Variants in ADPRHL1 observed in about 807,000 individuals in gnomAD.
The protein encoded by ADPRHL1 is inactive ADP-ribosyltransferase ARH2.
A neutral mutation model predicts 44.1 loss-of-function variants in ADPRHL1; 43 were observed. The observed-to-expected ratio is 0.98, with a 90% CI of 0.76 to 1.26. The LOEUF is 1.26. Among genes scored for constraint, ADPRHL1 ranks in the 50% most tolerant of loss-of-function variants. The pLI is 0.00. For missense variants in ADPRHL1, 2,022 were observed against 2,496.9 expected (o/e 0.81, Z 4.05); for synonymous variants, 878 against 1,017.4 (o/e 0.86, Z 2.61).
At chr13:113,424,752 C>CCATCCA (rs1289337845) in intron 5 of ADPRHL1, among the ~76,000 whole-genome samples, 1 of 36,612 alleles carries the variant, frequency 2.7e-5, no homozygotes, top group Non-Finnish European at 5.3e-5. Context: ...ACGCTTCTAC[C>CCATCCA]TACCTGCCCT....
At chr13:113,447,308 G>A (rs537819669) in intron 1 of ADPRHL1, among the ~76,000 whole-genome samples, 51 of 147,760 alleles carry the variant, frequency 3.5e-4, no homozygotes, top group Admixed American at 3.3e-4. Flanking sequence ...TGTGCATGGC[G>A]TCTACACGCA....
In ADPRHL1 at chr13:113,409,888, C is replaced by CAAAAAAAAAAAAAAAAAA. The variant is rs35020797; in HGVS notation, c.1062-1686_1062-1669dup. On this transcript the variant is annotated intron_variant, in intron 7 of 7. Coordinates refer to ENST00000612156, the MANE Select transcript of ADPRHL1 (RefSeq NM_001394807.1). The surrounding 1 kb of genome is among the most constrained non-coding windows in gnomAD (Gnocchi z 4.2). ...TGAGCGACAGAGCGAGACTCCGTCT[C>CAAAAAAAAAAAAAAAAAA]AAAAAAAAAAAAAAAAAAAAGGAAG... 1.4e-6 allele frequency: 1 copy of CAAAAAAAAAAAAAAAAAA among 727,658 alleles called. No homozygotes were observed. Among genetic ancestry groups the CAAAAAAAAAAAAAAAAAA allele is most frequent in the Non-Finnish European group, 1.6e-6 (1 of 626,210 alleles). The allele number at this position is 727,658 out of a possible 1,614,324, so 45.1% of individuals were successfully genotyped here.
At position 113,403,818 on chromosome 13, in the gene ADPRHL1, T is replaced by C. The variant is rs529367867; in HGVS notation, c.5464A>G (p.Ile1822Val). The C allele has an allele frequency of 2.8e-4, 343 of 1,217,828 alleles. 1 individual carries two copies. In the African/African-American group the frequency reaches 5.0e-3, roughly 18 times the overall value. 75.4% of individuals were successfully genotyped at this position (1,217,828 alleles called of 1,614,324 possible). ...GMAPRAWEQP[I>V]SGIAEGVDAA... ...TCCACTCCCTCAGCTATGCCACTAA[T>C]GGGCTGCTCCCAGGCCCGAGGCGCC... Residue 1822 changes from isoleucine (I) to valine (V), a missense_variant, in exon 8 of 8, where the codon ATT becomes GTT. By Grantham distance (29) the Ile-to-Val change is conservative. This residue lies in a region of ADPRHL1 where 205 missense variants were observed against 250.1 expected (regional missense o/e 0.82). Transcript: ENST00000612156.
rs2044101298 is a variant in ADPRHL1 at position 113,441,858 on chromosome 13, G to GGTTTTCCTTC, written c.379+2566_379+2567insGAAGGAAAAC. On this transcript the variant is annotated intron_variant, in intron 2 of 7. Coordinates refer to ENST00000612156, the MANE Select transcript of ADPRHL1 (RefSeq NM_001394807.1). The surrounding 1 kb of genome is among the most constrained non-coding windows in gnomAD (Gnocchi z 6.0). ...ACGTTGTGTCCCGCCGCGTGGGTCC[G>GGTTTTCCTTC]TGTCACTATCACACTCTGTCCCCAC... Among the ~76,000 whole-genome samples, 1 of 151,704 alleles carries GGTTTTCCTTC rather than the reference G, an allele frequency of 6.6e-6. No individual in the cohort carries two copies. The highest frequency in any genetic ancestry group is 1.5e-5 in the Non-Finnish European group (1 of 67,910).
intron 4 of ADPRHL1, among the ~76,000 whole-genome samples, chr13:113,427,743 G>A (rs1039322667): frequency 1.3e-5 from 2 of 152,186 alleles, no homozygotes; most frequent in African/African-American, 4.8e-5. Context: ...GCCCGGTCAC[G>A]GGGAGCACAG....
At chr13:113,451,842 G>C (rs1041744382) in intron 1 of ADPRHL1, among the ~76,000 whole-genome samples, 1 of 152,070 alleles carries the variant, frequency 6.6e-6, no homozygotes, top group Non-Finnish European at 1.5e-5. Context: ...CTAAACGTCC[G>C]TAACCCTTTT....
At chr13:113,422,444 G>C (rs909480082) in intron 7 of ADPRHL1, 3 of 188,966 alleles carry the variant, frequency 1.6e-5, no homozygotes, top group South Asian at 1.1e-4. Context: ...GGTCTGCAGC[G>C]GGGGGGCCTG....
rs1467876915 is a variant in ADPRHL1, at chr13:113,407,728, C to T, written c.1554G>A (p.Lys518=). 1.6e-6 allele frequency: 2 copies of T among 1,232,012 alleles called. No individual in the cohort carries two copies. The highest frequency in any genetic ancestry group is 2.0e-6 in the Non-Finnish European group (2 of 988,046). The allele number at this position is 1,232,012 out of a possible 1,614,324, so 76.3% of individuals were successfully genotyped here. ...IFLAAEEKEA[K]EKEAREKPPV... ...GGGGCTTCTCGCGTGCTTCTTTCTC[C>T]TTCGCCTCCTTCTCCTCGGCGGCCA... Residue 518 remains lysine, a synonymous_variant, in exon 8 of 8, where the codon AAG becomes AAA. Transcript: ENST00000612156.
intron 1 of ADPRHL1, 79 bp from the exon 2 acceptor site, chr13:113,444,668 A>G: frequency 6.6e-7 from 1 of 1,513,750 alleles, no homozygotes; most frequent in African/African-American, 1.4e-5. Context: ...GTCAGGCACC[A>G]TAGTCTGGGG....
rs1018885581 is a variant in ADPRHL1, at chr13:113,433,865, A to T, written c.382T>A (p.Ser128Thr). 5 of 1,547,774 alleles carry T rather than the reference A, an allele frequency of 3.2e-6. No individual in the cohort carries two copies. In the African/African-American group the frequency reaches 6.8e-5, roughly 21 times the overall value. ...AWHTPFNEKG[S>T]GFGAATKAMC... ...GCCTTGGTGGCCGCTCCAAACCCTG[A>T]GCCTGTGTGGAGAAGGAAGAGCTAG... Residue 128 changes from serine to threonine, a missense_variant and splice_region_variant, in exon 3 of 8, where the codon TCA becomes ACA. Physicochemically the swap from Ser to Thr is moderately conservative, Grantham distance 58. Coordinates refer to ENST00000612156, the MANE Select transcript of ADPRHL1 (RefSeq NM_001394807.1).
intron 1 of ADPRHL1, among the ~76,000 whole-genome samples, chr13:113,450,348 G>A (rs1179636257): frequency 1.3e-5 from 2 of 152,192 alleles, no homozygotes; most frequent in African/African-American, 4.8e-5. Context: ...GCTTGCTTTG[G>A]TTTCTAGAGG....
rs2043837161 is a variant in ADPRHL1, at chr13:113,409,690, T to C, written c.1062-1470A>G. ...TCACGAGGTCAGGAGATCGAGACCA[T>C]CCTGGATAACACGGTGAAACCCCGT... On this transcript the variant is annotated intron_variant, in intron 7 of 7. Transcript: ENST00000612156. This position sits in a 1 kb window ranked among gnomAD's most constrained non-coding sequence, Gnocchi z 4.2. 1.2e-6 allele frequency: 1 copy of C among 836,034 alleles called. No homozygotes were observed. The highest frequency in any genetic ancestry group is 1.4e-6 in the Non-Finnish European group (1 of 694,076). 51.8% of individuals were successfully genotyped at this position (836,034 alleles called of 1,614,324 possible).
rs544480530 is a variant in ADPRHL1, at chr13:113,418,183, C to T, written c.1061+4643G>A. Among the ~76,000 whole-genome samples, 80 of 152,300 alleles carry T rather than the reference C, an allele frequency of 5.3e-4. No homozygotes were observed. In the South Asian group the frequency reaches 0.016, roughly 30 times the overall value. On this transcript the variant is annotated intron_variant, in intron 7 of 7. Transcript: ENST00000612156. The stretch of plus-strand genomic sequence containing the variant: ...GCTCTGGGAGAAATACTCAGACCCC[C>T]TGAATCTTAGTTTCCTTGTCTACAA...
chr13:113,445,688 T>G (rs1040403325), intron 1 of ADPRHL1, among the ~76,000 whole-genome samples: 2 of 152,060 alleles, frequency 1.3e-5, no homozygotes, highest in African/African-American at 4.8e-5. Context: ...GAAATGGCAC[T>G]TGGAAGCAAA....
At chr13:113,430,715 TAGTGGCGGGGGTGGCAGTGGCACC>T (rs772652313) in intron 3 of ADPRHL1, among the ~76,000 whole-genome samples, 1,744 of 150,418 alleles carry the variant, frequency 0.012, 9 homozygotes, top group Middle Eastern at 0.017. Context: ...GGGGTGGCAC[TAGTGGCGGGGGTGGCAGTGGCACC>T]AGTGGCGGGG....
At position 113,429,180 on chromosome 13, in the gene ADPRHL1, G is replaced by T. The variant is rs1347484521; in HGVS notation, c.506-88C>A. 7.3e-5 allele frequency: 111 copies of T among 1,512,884 alleles called. No homozygotes were observed. In the Admixed American group the frequency reaches 2.2e-3, roughly 29 times the overall value. 93.7% of individuals were successfully genotyped at this position (1,512,884 alleles called of 1,614,324 possible). A position where few individuals can be genotyped will look rare whatever the true frequency, so the allele number is the denominator to read the frequency against. ...GCCCGCCACGCTGCGTGGGACTCCC[G>T]AGGAAGGGTTTGCTCGTTTTCCGTC... On this transcript the variant is annotated intron_variant, in intron 3 of 7. Coordinates refer to ENST00000612156, the MANE Select transcript of ADPRHL1 (RefSeq NM_001394807.1).
chr13:113,420,106 C>T (rs1352541527), intron 7 of ADPRHL1, among the ~76,000 whole-genome samples: 1 of 152,146 alleles, frequency 6.6e-6, no homozygotes, highest in South Asian at 2.1e-4. Flanking sequence ...TTTGGATTCG[C>T]GAAGCTGTGC....
At chr13:113,416,278 G>T (rs2043887046) in intron 7 of ADPRHL1, among the ~76,000 whole-genome samples, 1 of 152,014 alleles carries the variant, frequency 6.6e-6, no homozygotes. Flanking sequence ...TTTGGGCTAG[G>T]ATACCCCAAG....
chr13:113,453,262 G>T lies in ADPRHL1; in HGVS notation c.176C>A (p.Thr59Asn), dbSNP rs1595559677. 1.9e-6 allele frequency: 3 copies of T among 1,614,040 alleles called. No homozygotes were observed. In the African/African-American group the frequency reaches 4.0e-5, roughly 22 times the overall value. The change falls in exon 1 of 8, where the codon ACC (threonine) becomes AAC (asparagine). Residue 59 changes from threonine to asparagine, a missense_variant. Thr to Asn is a moderately conservative substitution (Grantham distance 65, BLOSUM62 0). Transcript: ENST00000612156. The surrounding 1 kb of genome is among the most constrained non-coding windows in gnomAD (Gnocchi z 5.4). ...SPGEWPVSDN[T>N]IMHIATAEAL... is the part of the protein sequence containing the mutation. ...CTCGGCGGTTGCGATGTGCATGATG[G>T]TGTTGTCACTCACGGGCCATTCTCC...
Sources: allele counts gnomAD v4.1 joint callset (sites outside exome capture counted in the v4.1 genomes callset), GRCh38; gene constraint gnomAD v4.1.1; regional missense constraint gnomAD v4.1.1; non-coding constraint Gnocchi (gnomAD v3.1); transcripts MANE v1.5; gene names NCBI Gene and HGNC (gene_info 2026-07-23, HGNC 2026-07-21).